GLIS1: variants seen among roughly 807,000 people sequenced by gnomAD.
The protein encoded by GLIS1 is zinc finger protein GLIS1.
A neutral mutation model predicts 63.8 loss-of-function variants in GLIS1; 24 were observed. The observed-to-expected ratio is 0.38, with a 90% confidence interval of 0.27 to 0.53. The LOEUF (loss-of-function observed/expected upper bound fraction) is 0.53, where lower values mean the gene tolerates loss of function less well. Ranked by LOEUF, GLIS1 falls within the 20% of genes least tolerant of loss-of-function variation. The probability of loss-of-function intolerance (pLI) is 0.85; values close to 1 mark genes in which losing one functional copy is unlikely to be tolerated. For synonymous variants in GLIS1, 450 were observed against 482.5 expected (o/e 0.93, Z 0.88); for missense variants, 1,036 against 1,074.1 (o/e 0.96, Z 0.50).
intron 2 of GLIS1, among the ~76,000 whole-genome samples, chr1:53,652,704 G>A (rs538709473): frequency 9.9e-5 from 15 of 152,190 alleles, no homozygotes; most frequent in African/African-American, 2.6e-4. Flanking sequence ...GAGGCTCCTC[G>A]GTCCCTGTGC....
At chr1:53,680,113 A>C (rs1206301339) in intron 2 of GLIS1, among the ~76,000 whole-genome samples, 5 of 152,140 alleles carry the variant, frequency 3.3e-5, no homozygotes, top group African/African-American at 9.7e-5. Context: ...AAGGAGGGAG[A>C]AGGCAGGGAG....
chr1:53,615,967 C>T (rs10788960), intron 2 of GLIS1, among the ~76,000 whole-genome samples: 86,081 of 151,970 alleles, frequency 0.57, 25,853 homozygotes, highest in Middle Eastern at 0.66. Context: ...AGGCTGGTCT[C>T]GAATTCCTGA....
intron 6 of GLIS1, among the ~76,000 whole-genome samples, chr1:53,522,818 G>A (rs1644423402): frequency 6.6e-6 from 1 of 152,000 alleles, no homozygotes; most frequent in African/African-American, 2.4e-5. Flanking sequence ...GGAGGCTGAG[G>A]CAGGAGGATC....
chr1:53,594,682 G>A lies in GLIS1; in HGVS notation c.746C>T (p.Ser249Phe). The part of the protein sequence containing the change: ...RCCVLGLPPT[S>F]PASSSPCASS... The stretch of plus-strand genomic sequence containing the variant: ...GGCACAGGGTGAGGAGGAGGCTGGG[G>A]AGGTGGGGGGTAGGCCCAAGACGCA... Residue 249 changes from serine to phenylalanine, a missense_variant, in exon 4 of 11, where the codon TCC becomes TTC. Physicochemically the swap from Ser to Phe is radical, Grantham distance 155. Transcript: ENST00000628545. 1 of 1,552,074 alleles carries A rather than the reference G, an allele frequency of 6.4e-7. No homozygotes were observed. Among genetic ancestry groups the A allele is most frequent in the Non-Finnish European group, 8.7e-7 (1 of 1,146,708 alleles).
chr1:53,731,040 G>A (rs182654546), intron 2 of GLIS1, among the ~76,000 whole-genome samples: 163 of 152,302 alleles, frequency 1.1e-3, no homozygotes, highest in Non-Finnish European at 1.7e-3. Context: ...AGGAATTCTC[G>A]TCCAACAGAT....
At chr1:53,524,235 G>A (rs995017621) in intron 6 of GLIS1, among the ~76,000 whole-genome samples, 1 of 152,168 alleles carries the variant, frequency 6.6e-6, no homozygotes, top group South Asian at 2.1e-4. Flanking sequence ...CCCACTCCGC[G>A]CTCACACCCC....
intron 2 of GLIS1, among the ~76,000 whole-genome samples, chr1:53,644,363 T>C (rs1645819747): frequency 6.6e-6 from 1 of 152,240 alleles, no homozygotes. Context: ...TAAACAAATA[T>C]TATTGTTATT....
chr1:53,637,810 A>C (rs1303622229), intron 2 of GLIS1, among the ~76,000 whole-genome samples: 2 of 152,124 alleles, frequency 1.3e-5, no homozygotes, highest in African/African-American at 4.8e-5. Flanking sequence ...CCAATTGCAG[A>C]GCTCTCACCA....
In GLIS1 at chr1:53,548,340, G is replaced by A. The variant is rs1167948863; in HGVS notation, c.1321-18388C>T. ...CGGTCTGCACACAGCACTGAGTGAGGCTTTAGCATGTTACTGCTGGTATTC... is the reference window on the plus strand; with the variant it reads ...CGGTCTGCACACAGCACTGAGTGAGACTTTAGCATGTTACTGCTGGTATTC... On this transcript the variant is annotated intron_variant, in intron 4 of 10. Coordinates refer to ENST00000628545, the MANE Select transcript of GLIS1 (RefSeq NM_001367484.1). 2.0e-5 allele frequency among the ~76,000 whole-genome samples: 3 copies of A among 152,204 alleles called. 1 individual carries two copies. The highest frequency in any genetic ancestry group is 1.3e-4 in the Admixed American group (2 of 15,282).
In GLIS1 at chr1:53,514,665, G is replaced by A. The variant is rs2100269550; in HGVS notation, c.1843C>T (p.His615Tyr). ...PLDATTSSHH[H>Y]LSPLPMAEST... ...TCAGCCATGGGCAGAGGGGACAGAT[G>A]GTGGTGGGAACTGGTGGTGGCATCC... Residue 615 changes from histidine (H) to tyrosine (Y), a missense_variant, in exon 8 of 11, where the codon CAT (histidine) becomes TAT (tyrosine). By Grantham distance (83) the His-to-Tyr change is moderately conservative (BLOSUM62 2). Around this residue, in one of 3 missense-constraint regions of GLIS1, gnomAD observed 400 missense variants for 400.9 expected, o/e 1.00. Transcript: ENST00000628545. The A allele has an allele frequency of 6.2e-7, 1 of 1,613,904 alleles. No individual in the cohort carries two copies. Among genetic ancestry groups the A allele is most frequent in the Non-Finnish European group, 8.5e-7 (1 of 1,179,960 alleles).
intron 4 of GLIS1, among the ~76,000 whole-genome samples, chr1:53,566,264 C>T (rs1186513267): frequency 2.0e-5 from 3 of 151,652 alleles, no homozygotes; most frequent in Admixed American, 6.6e-5. Flanking sequence ...GGAAAGGAGA[C>T]AAAAGATATA....
rs570249520 is a variant in GLIS1, at chr1:53,679,616, G to A, written c.259+58190C>T. ...CCAGGGAGGGCTACTGACAGCCACT[G>A]TGTCCCAGAGAGAAGTCTGAGCCAC... On this transcript the variant is annotated intron_variant, in intron 2 of 10. Transcript: ENST00000628545. Among the ~76,000 whole-genome samples, 4 of 152,302 alleles carry A rather than the reference G, an allele frequency of 2.6e-5. No individual in the cohort carries two copies. In the East Asian group the frequency reaches 7.7e-4, roughly 29 times the overall value.
intron 4 of GLIS1, among the ~76,000 whole-genome samples, chr1:53,568,388 G>A (rs1483183347): frequency 1.3e-5 from 2 of 152,124 alleles, no homozygotes; most frequent in African/African-American, 2.4e-5. Flanking sequence ...TAACAGGCTC[G>A]TAGGTGGGAG....
intron 2 of GLIS1, among the ~76,000 whole-genome samples, chr1:53,629,784 A>G (rs1256288198): frequency 6.6e-6 from 1 of 152,136 alleles, no homozygotes; most frequent in Non-Finnish European, 1.5e-5. Flanking sequence ...TTTGCTCATT[A>G]TCTGTCTGTC....
Position 53,511,540 on chromosome 1 carries a change from C to T in GLIS1, c.1884-1513G>A, listed in dbSNP as rs570526376. ...GCTGAGGACAGGGGAAGCAGGGCCT[C>T]GGTGCTGGGTCCCTGGCCCGGCCAC... On this transcript the variant is annotated intron_variant, in intron 8 of 10. Coordinates refer to ENST00000628545, the MANE Select transcript of GLIS1 (RefSeq NM_001367484.1). This position sits in a 1 kb window ranked among gnomAD's most constrained non-coding sequence, Gnocchi z 4.2. Among the ~76,000 whole-genome samples, 73 of 152,282 alleles carry T rather than the reference C, an allele frequency of 4.8e-4. 1 individual carries two copies. The highest frequency in any genetic ancestry group is 1.6e-3 in the African/African-American group (68 of 41,564).
At chr1:53,515,362 G>T (rs572484525) in intron 7 of GLIS1, among the ~76,000 whole-genome samples, 48 of 152,062 alleles carry the variant, frequency 3.2e-4, no homozygotes, top group African/African-American at 1.2e-3. Flanking sequence ...GCAGAGCCGG[G>T]GTGTCCACTG....
At chr1:53,630,101 G>A (rs1026115920) in intron 2 of GLIS1, among the ~76,000 whole-genome samples, 1 of 152,110 alleles carries the variant, frequency 6.6e-6, no homozygotes, top group Non-Finnish European at 1.5e-5. Context: ...TTTAGCATCT[G>A]ACTACATTGA....
At chr1:53,712,016 A>C (rs924818711) in intron 2 of GLIS1, among the ~76,000 whole-genome samples, 16 of 152,170 alleles carry the variant, frequency 1.1e-4, no homozygotes, top group Non-Finnish European at 1.5e-4. Flanking sequence ...ATCCTTAGGG[A>C]GTCATTCAAG....
chr1:53,558,029 C>T (rs1333741985), intron 4 of GLIS1, among the ~76,000 whole-genome samples: 1 of 152,216 alleles, frequency 6.6e-6, no homozygotes, highest in Non-Finnish European at 1.5e-5. Context: ...GATCGGGAAG[C>T]AGGCTCTGGA....
Sources: gnomAD v4.1 joint callset for allele counts (sites outside exome capture counted in the v4.1 genomes callset) on GRCh38, gnomAD v4.1.1 for gene constraint, gnomAD v4.1.1 regional missense constraint, Gnocchi (gnomAD v3.1) non-coding constraint, MANE v1.5 for transcripts, NCBI Gene and HGNC (gene_info 2026-07-23, HGNC 2026-07-21) for gene names.